Variants in GRIP1 observed in about 807,000 individuals in gnomAD.
GRIP1 encodes glutamate receptor interacting protein 1, also known as glutamate receptor-interacting protein 1.
A neutral mutation model predicts 129.9 loss-of-function variants in GRIP1; 45 were observed. That is an observed-to-expected ratio of 0.35 (90% CI 0.27 to 0.44). GRIP1 has a LOEUF of 0.44. Ranked by LOEUF, GRIP1 falls within the 20% of genes least tolerant of loss-of-function variation. GRIP1 has a pLI of 1.00. For missense variants in GRIP1, 1,196 were observed against 1,396.8 expected, an observed-to-expected ratio of 0.86 and a Z score of 2.29; for synonymous variants, 530 against 520.8, an observed-to-expected ratio of 1.02 and a Z score of -0.24.
intron 1 of GRIP1, among the ~76,000 whole-genome samples, chr12:66,718,291 A>C (rs947729890): frequency 6.6e-6 from 1 of 152,148 alleles, no homozygotes; most frequent in African/African-American, 2.4e-5. Flanking sequence ...CCACTTGTTG[A>C]GCCTAAAAAC....
intron 1 of GRIP1, among the ~76,000 whole-genome samples, chr12:66,965,352 G>C (rs1426656277): frequency 6.6e-6 from 1 of 151,848 alleles, no homozygotes; most frequent in African/African-American, 2.4e-5. Flanking sequence ...CTGGTTTTAG[G>C]ACATTTTCTA....
chr12:66,894,163 A>G (rs2040707039), intron 1 of GRIP1, among the ~76,000 whole-genome samples: 1 of 152,162 alleles, frequency 6.6e-6, no homozygotes, highest in Non-Finnish European at 1.5e-5. Context: ...TATTTTATCC[A>G]GAAAGGACAC....
intron 1 of GRIP1, among the ~76,000 whole-genome samples, chr12:66,719,421 G>A (rs991299942): frequency 2.6e-5 from 4 of 152,152 alleles, no homozygotes; most frequent in Non-Finnish European, 5.9e-5. Flanking sequence ...TGGTTTATAA[G>A]CTAGGAGTAA....
intron 1 of GRIP1, among the ~76,000 whole-genome samples, chr12:66,728,986 A>C (rs576654332): frequency 1.8e-4 from 28 of 152,168 alleles, no homozygotes; most frequent in African/African-American, 6.3e-4. Context: ...ACATCCAATC[A>C]CTCAAATAAA....
At chr12:66,712,429 T>C (rs183546981) in intron 1 of GRIP1, among the ~76,000 whole-genome samples, 6 of 152,114 alleles carry the variant, frequency 3.9e-5, no homozygotes, top group African/African-American at 1.4e-4. Context: ...GCTCAGGTTT[T>C]CTGCTTCCTC....
chr12:66,539,049 C>T, intron 4 of GRIP1, 29 bp downstream of exon 4: 1 of 1,599,930 alleles, frequency 6.3e-7, no homozygotes, highest in Non-Finnish European at 8.6e-7. Context: ...AATGTATCCC[C>T]TATGGATAAG....
intron 1 of GRIP1, among the ~76,000 whole-genome samples, chr12:66,601,692 A>T (rs2064285101): frequency 6.6e-6 from 1 of 152,222 alleles, no homozygotes; most frequent in Non-Finnish European, 1.5e-5. Flanking sequence ...GTGCAGTTAA[A>T]CATTATGACC....
intron 23 of GRIP1, among the ~76,000 whole-genome samples, chr12:66,364,279 AAAAAAAAAAAAGAAAG>A (rs1348963266): frequency 2.7e-5 from 4 of 148,132 alleles, no homozygotes; most frequent in African/African-American, 7.4e-5. Context: ...AAAAAAAAAA[AAAAAAAAAAAAGAAAG>A]AAAGAAAGAA....
chr12:66,904,121 C>T (rs1351336226), intron 1 of GRIP1, among the ~76,000 whole-genome samples: 1 of 152,172 alleles, frequency 6.6e-6, no homozygotes, highest in African/African-American at 2.4e-5. Context: ...GGTTCATACC[C>T]TTTATATAAC....
rs190819206 is a variant in GRIP1, at chr12:66,642,766, C to T, written c.55+36084G>A. Among the ~76,000 whole-genome samples the T allele has an allele frequency of 3.7e-3, 556 of 152,236 alleles. 2 individuals carry two copies. The highest frequency in any genetic ancestry group is 6.5e-3 in the Non-Finnish European group (442 of 68,018). On this transcript the variant is annotated intron_variant, in intron 1 of 24. Coordinates refer to ENST00000359742, the MANE Select transcript of GRIP1 (RefSeq NM_001366722.1). ...GAATAGGCATACCTCCTTCCTAACC[C>T]TCTACCCCATCCCATCTAAGATATT... is the stretch of plus-strand genomic sequence containing the variant.
intron 2 of GRIP1, among the ~76,000 whole-genome samples, chr12:66,589,214 C>CTCTCTCTA (rs1214328030): frequency 6.9e-6 from 1 of 145,524 alleles, no homozygotes; most frequent in African/African-American, 2.5e-5. Context: ...CTCTCTCTCT[C>CTCTCTCTA]TCTCTCTCTC....
chr12:66,927,595 T>C (rs1031226840), intron 1 of GRIP1, among the ~76,000 whole-genome samples: 11 of 152,276 alleles, frequency 7.2e-5, no homozygotes, highest in African/African-American at 2.2e-4. Context: ...TGCCACTCCA[T>C]AGAACTTGGG....
Position 67,064,554 on chromosome 12 carries a change from G to A in GRIP1, c.58+4496C>T, listed in dbSNP as rs2043588811. 2.0e-5 allele frequency among the ~76,000 whole-genome samples: 3 copies of A among 152,110 alleles called. No individual in the cohort carries two copies. The South Asian group carries it at 6.2e-4, about 32-fold the overall frequency. On this transcript the variant is annotated intron_variant, in intron 1 of 1. Transcript: ENST00000643019. ...TAACATGGTGCCTGAAACAAAGCAGGCCCTAGATTTCTTTGCTTTCTTCTC... is the reference window on the plus strand; with the variant it reads ...TAACATGGTGCCTGAAACAAAGCAGACCCTAGATTTCTTTGCTTTCTTCTC...
chr12:66,655,230 C>A (rs1473662658), intron 1 of GRIP1, among the ~76,000 whole-genome samples: 1 of 152,188 alleles, frequency 6.6e-6, no homozygotes, highest in Non-Finnish European at 1.5e-5. Context: ...TATGCTTTTC[C>A]CACATTTGGA....
chr12:66,978,158 C>T (rs1003596047), intron 1 of GRIP1, among the ~76,000 whole-genome samples: 1 of 151,742 alleles, frequency 6.6e-6, no homozygotes, highest in African/African-American at 2.4e-5. Context: ...ACATTTTAGA[C>T]TTTAAATCCA....
chr12:66,556,651 AC>A (rs548846238), intron 2 of GRIP1, among the ~76,000 whole-genome samples: 161 of 151,692 alleles, frequency 1.1e-3, no homozygotes, highest in African/African-American at 3.8e-3. Context: ...TAAAAAAAAA[AC>A]AACAACAAAA....
At chr12:66,357,008 C>G (rs1181081582) in intron 23 of GRIP1, among the ~76,000 whole-genome samples, 1 of 152,154 alleles carries the variant, frequency 6.6e-6, no homozygotes, top group Non-Finnish European at 1.5e-5. Flanking sequence ...ACCTGAGTAT[C>G]TGGGATTACA....
At chr12:66,552,919 C>A (rs1057135059) in intron 2 of GRIP1, among the ~76,000 whole-genome samples, 5 of 152,122 alleles carry the variant, frequency 3.3e-5, no homozygotes, top group Non-Finnish European at 7.4e-5. Context: ...AAGCCATGGG[C>A]CTGCTGCAGT....
chr12:66,582,060 A>G (rs2063408316), intron 2 of GRIP1, among the ~76,000 whole-genome samples: 1 of 152,214 alleles, frequency 6.6e-6, no homozygotes, highest in Admixed American at 6.5e-5. Flanking sequence ...ATCCACCATG[A>G]TCAAGTGGGC....
Sources: allele counts gnomAD v4.1 joint callset (sites outside exome capture counted in the v4.1 genomes callset), GRCh38; gene constraint gnomAD v4.1.1; transcripts MANE v1.5; gene names NCBI Gene and HGNC (gene_info 2026-07-23, HGNC 2026-07-21).